NUBPL: variants seen among roughly 807,000 people sequenced by gnomAD.
NUBPL encodes NUBP iron-sulfur cluster assembly factor, mitochondrial.
NUBPL carries 31 observed loss-of-function variants against 45.7 expected under a neutral mutation model. That is an observed-to-expected ratio of 0.68 (90% CI 0.51 to 0.92). The LOEUF is 0.92. Among genes scored for constraint, NUBPL ranks in the 40% least tolerant of loss-of-function variants. The pLI is 0.00. For synonymous variants in NUBPL, 144 were observed against 140.9 expected, an observed-to-expected ratio of 1.02 and a Z score of -0.15; for missense variants, 401 against 398.7, an observed-to-expected ratio of 1.01 and a Z score of -0.05.
At chr14:31,596,891 C>T (rs2034298440) in intron 3 of NUBPL, among the ~76,000 whole-genome samples, 1 of 152,098 alleles carries the variant, frequency 6.6e-6, no homozygotes, top group Non-Finnish European at 1.5e-5. Context: ...GCCCAGTACC[C>T]AGAAGGAATT....
At chr14:31,643,855 C>G (rs1365882829) in intron 4 of NUBPL, among the ~76,000 whole-genome samples, 1 of 151,958 alleles carries the variant, frequency 6.6e-6, no homozygotes, top group Non-Finnish European at 1.5e-5. Context: ...TCTGTTTCTC[C>G]CTGGTTCAAT....
chr14:31,821,111 G>A (rs547672286), intron 7 of NUBPL, among the ~76,000 whole-genome samples: 6 of 150,714 alleles, frequency 4.0e-5, no homozygotes, highest in East Asian at 3.9e-4. Context: ...CAACAAGAGC[G>A]AAACTCCATC....
At chr14:31,621,701 G>A (rs567362282) in intron 4 of NUBPL, among the ~76,000 whole-genome samples, 7 of 152,328 alleles carry the variant, frequency 4.6e-5, no homozygotes, top group African/African-American at 7.2e-5. Context: ...CGTCGATCTC[G>A]CTGGGAGCTG....
chr14:31,833,188 T>C (rs2040220432), intron 8 of NUBPL, among the ~76,000 whole-genome samples: 2 of 152,052 alleles, frequency 1.3e-5, no homozygotes, highest in Non-Finnish European at 2.9e-5. Flanking sequence ...GGCAACATAT[T>C]GAGACCCCTG....
chr14:31,790,968 T>C (rs560476568), intron 7 of NUBPL, among the ~76,000 whole-genome samples: 1 of 152,136 alleles, frequency 6.6e-6, no homozygotes, highest in East Asian at 1.9e-4. Flanking sequence ...AGAAAATATA[T>C]TTTGAAAGAT....
intron 7 of NUBPL, among the ~76,000 whole-genome samples, chr14:31,813,508 T>G (rs542353382): frequency 2.0e-5 from 3 of 150,780 alleles, no homozygotes; most frequent in African/African-American, 7.3e-5. Flanking sequence ...TATATACAGA[T>G]ATATATATAT....
intron 4 of NUBPL, among the ~76,000 whole-genome samples, chr14:31,638,393 C>T (rs925540908): frequency 6.6e-6 from 1 of 151,584 alleles, no homozygotes; most frequent in African/African-American, 2.4e-5. Flanking sequence ...AAATTCTTTT[C>T]TTTAAGAATG....
intron 7 of NUBPL, among the ~76,000 whole-genome samples, chr14:31,816,809 T>G (rs967182584): frequency 5.9e-5 from 9 of 152,190 alleles, no homozygotes; most frequent in African/African-American, 2.2e-4. Flanking sequence ...TTCAGGAGCA[T>G]GTTGTTCAGT....
At chr14:31,707,971 G>A (rs2037491269) in intron 6 of NUBPL, among the ~76,000 whole-genome samples, 1 of 152,176 alleles carries the variant, frequency 6.6e-6, no homozygotes, top group Non-Finnish European at 1.5e-5. Flanking sequence ...TGGTCTGTGG[G>A]ATCCTCAAAG....
chr14:31,732,181 A>T, intron 6 of NUBPL, among the ~76,000 whole-genome samples: 1 of 123,010 alleles, frequency 8.1e-6, no homozygotes, highest in African/African-American at 2.7e-5. Flanking sequence ...GTGACAGAGC[A>T]AGACTCTGTC....
chr14:31,693,800 TAAAA>T (rs60070958), intron 6 of NUBPL, among the ~76,000 whole-genome samples: 12 of 94,608 alleles, frequency 1.3e-4, no homozygotes, highest in South Asian at 3.8e-4. Flanking sequence ...AAGACAAAAT[TAAAA>T]AAAAAAAAAA....
chr14:31,694,135 G>A (rs766219901), intron 6 of NUBPL, among the ~76,000 whole-genome samples: 15 of 152,006 alleles, frequency 9.9e-5, no homozygotes, highest in Non-Finnish European at 1.5e-4. Flanking sequence ...GATTACAGGC[G>A]TGAGCCACCG....
intron 6 of NUBPL, among the ~76,000 whole-genome samples, chr14:31,687,493 C>G (rs941687075): frequency 6.6e-6 from 1 of 152,178 alleles, no homozygotes; most frequent in East Asian, 1.9e-4. Context: ...AACAAATGTA[C>G]AGATGTAGTA....
rs560131593 is a variant in NUBPL, at chr14:31,825,591, T to TCTC, written c.608-1028_608-1026dup. On this transcript the variant is annotated intron_variant, in intron 7 of 10. Transcript: ENST00000281081. The stretch of plus-strand genomic sequence containing the variant: ...AGTAGACTATTAATAACCTCCTCCT[T>TCTC]CTCCTCCTCCTCATCTTCCTCTTCT... Among the ~76,000 whole-genome samples the TCTC allele has an allele frequency of 6.1e-4, 92 of 150,494 alleles. 1 individual carries two copies. Among genetic ancestry groups the TCTC allele is most frequent in the Non-Finnish European group, 3.9e-4 (26 of 67,502 alleles).
chr14:31,733,611 A>C (rs1423900148), intron 6 of NUBPL, among the ~76,000 whole-genome samples: 2 of 152,158 alleles, frequency 1.3e-5, no homozygotes, highest in East Asian at 3.9e-4. Context: ...ATACAAAGAA[A>C]CATAATTGAG....
intron 6 of NUBPL, among the ~76,000 whole-genome samples, chr14:31,755,319 T>C (rs2038634492): frequency 6.6e-6 from 1 of 152,130 alleles, no homozygotes; most frequent in Non-Finnish European, 1.5e-5. Flanking sequence ...CCACCAACAG[T>C]GTAAAAGTGT....
At position 31,599,313 on chromosome 14, in the gene NUBPL, G is replaced by A. The variant is rs1330977334; in HGVS notation, c.316G>A (p.Val106Met). 5 of 1,612,376 alleles carry A rather than the reference G, an allele frequency of 3.1e-6. No individual in the cohort carries two copies. The African/African-American group carries it at 5.3e-5, about 17-fold the overall frequency. ...GTCCAAGGCCATTGGTTTGCTAGAT[G>A]TGGATGTGTATGGACCTTCAGTTCC... is the stretch of plus-strand genomic sequence containing the variant. ...DSSKAIGLLD[V>M]DVYGPSVPKM... The change falls in exon 4 of 11, where the codon GTG becomes ATG. Residue 106 changes from valine to methionine, a missense_variant. Transcript: ENST00000281081.
intron 3 of NUBPL, chr14:31,578,003 CGTT>C (rs1250688174): frequency 1.6e-6 from 2 of 1,287,358 alleles, no homozygotes; most frequent in Non-Finnish European, 1.0e-6. Flanking sequence ...TTGCCTGGCC[CGTT>C]GTTATGAACT....
chr14:31,599,243 T>G (rs554314704), intron 3 of NUBPL, 46 bp from the exon 4 acceptor site: 11 of 1,370,542 alleles, frequency 8.0e-6, no homozygotes, highest in Non-Finnish European at 1.1e-5. Flanking sequence ...AATCTTATGG[T>G]AAAGTGTTTT....
Sources: allele counts gnomAD v4.1 joint callset (sites outside exome capture counted in the v4.1 genomes callset), GRCh38; gene constraint gnomAD v4.1.1; transcripts MANE v1.5; gene names NCBI Gene and HGNC (gene_info 2026-07-23, HGNC 2026-07-21).